VAV3: variants seen among roughly 807,000 people sequenced by gnomAD.
VAV3 encodes guanine nucleotide exchange factor VAV3.
Under a neutral mutation model 131.2 loss-of-function variants are expected in VAV3, and 94 were observed. The ratio of observed to expected loss-of-function variants is 0.72; its 90% CI spans 0.61 to 0.85. The LOEUF is 0.85. Among genes scored for constraint, VAV3 ranks in the 40% least tolerant of loss-of-function variants. The probability of loss-of-function intolerance (pLI) is 0.00; values close to 1 mark genes in which losing one functional copy is unlikely to be tolerated. For missense variants in VAV3, 939 were observed against 1,002.7 expected (o/e 0.94, Z 0.86); for synonymous variants, 349 against 342.0 (o/e 1.02, Z -0.22).
At chr1:107,628,200 G>C (rs916803533) in intron 20 of VAV3, among the ~76,000 whole-genome samples, 1 of 152,066 alleles carries the variant, frequency 6.6e-6, no homozygotes, top group Non-Finnish European at 1.5e-5. Flanking sequence ...TGAGAAAACA[G>C]GTCTCCTGTG....
intron 19 of VAV3, chr1:107,668,940 ATT>A: frequency 1.0e-6 from 1 of 988,706 alleles, no homozygotes; most frequent in Admixed American, 6.0e-5. Flanking sequence ...CAACGTGTTT[ATT>A]TGAATTCTCT....
chr1:107,843,537 G>GTGTA (rs560794972), intron 2 of VAV3, among the ~76,000 whole-genome samples: 4,742 of 147,480 alleles, frequency 0.032, 88 homozygotes, highest in East Asian at 0.068. Flanking sequence ...GTGTGTGTGT[G>GTGTA]TATATATATA....
intron 15 of VAV3, among the ~76,000 whole-genome samples, chr1:107,741,332 T>G (rs1663008026): frequency 6.6e-6 from 1 of 152,232 alleles, no homozygotes; most frequent in Non-Finnish European, 1.5e-5. Flanking sequence ...TGACATGGCT[T>G]TATTCCTCTA....
chr1:107,638,350 A>G (rs758429293), intron 20 of VAV3, among the ~76,000 whole-genome samples: 1 of 152,242 alleles, frequency 6.6e-6, no homozygotes, highest in Non-Finnish European at 1.5e-5. Flanking sequence ...TTAAAGAATA[A>G]GAGATCAACA....
intron 1 of VAV3, among the ~76,000 whole-genome samples, chr1:107,923,730 A>G (rs1156697007): frequency 1.3e-5 from 2 of 152,178 alleles, no homozygotes. Context: ...AGCATGGGTG[A>G]AACTGCCCCA....
intron 15 of VAV3, among the ~76,000 whole-genome samples, chr1:107,706,642 A>G (rs1169050355): frequency 6.6e-6 from 1 of 152,220 alleles, no homozygotes; most frequent in Non-Finnish European, 1.5e-5. Flanking sequence ...CACATTGTTC[A>G]GAAAACATTT....
chr1:107,596,469 G>A (rs750610100), intron 24 of VAV3, 128 bp from the exon 25 acceptor site: 16 of 944,290 alleles, frequency 1.7e-5, no homozygotes, highest in Non-Finnish European at 2.5e-5. Flanking sequence ...GTATATGGAA[G>A]ATTAAGCAAA....
At position 107,945,083 on chromosome 1, in the gene VAV3, G is replaced by A. The variant is rs562817136; in HGVS notation, c.204+19583C>T. Among the ~76,000 whole-genome samples, 36 of 152,284 alleles carry A rather than the reference G, an allele frequency of 2.4e-4. 1 individual carries two copies. The South Asian group carries it at 7.5e-3, about 32-fold the overall frequency. On this transcript the variant is annotated intron_variant, in intron 1 of 26. Transcript: ENST00000370056. The stretch of plus-strand genomic sequence containing the variant: ...TAAATCCTTCTGCTATTTGGCTCAA[G>A]ATGATTCTATGCCCAGCCACCTGGA...
chr1:107,699,763 G>C, intron 17 of VAV3, among the ~76,000 whole-genome samples: 1 of 151,846 alleles, frequency 6.6e-6, no homozygotes, highest in Non-Finnish European at 1.5e-5. Context: ...TGTGATAACA[G>C]ATTTTATTCA....
intron 21 of VAV3, among the ~76,000 whole-genome samples, chr1:107,616,195 T>C (rs1251745051): frequency 2.0e-5 from 3 of 152,120 alleles, no homozygotes; most frequent in African/African-American, 7.2e-5. Context: ...TCAATCTAAA[T>C]GCCCATATGT....
chr1:107,576,824 A>G (rs557141747), intron 25 of VAV3, among the ~76,000 whole-genome samples: 75 of 152,350 alleles, frequency 4.9e-4, no homozygotes, highest in African/African-American at 1.8e-3. Context: ...CCTTCACATC[A>G]AAACTATTAT....
intron 2 of VAV3, among the ~76,000 whole-genome samples, chr1:107,840,023 ATAACCT>A (rs1363245159): frequency 6.6e-6 from 1 of 152,182 alleles, no homozygotes; most frequent in Non-Finnish European, 1.5e-5. Flanking sequence ...TTAATAATTA[ATAACCT>A]TCCAAAAGAA....
chr1:107,665,115 T>C (rs1657319566), intron 19 of VAV3, among the ~76,000 whole-genome samples: 1 of 152,174 alleles, frequency 6.6e-6, no homozygotes, highest in Non-Finnish European at 1.5e-5. Flanking sequence ...AAATCATTCT[T>C]CTGATAGTCT....
intron 2 of VAV3, among the ~76,000 whole-genome samples, chr1:107,830,207 C>T (rs1261376426): frequency 2.1e-5 from 3 of 145,800 alleles, no homozygotes; most frequent in African/African-American, 5.0e-5. Flanking sequence ...TAATTACACA[C>T]TTTTTTTTTT....
chr1:107,731,217 G>A (rs1317641407), intron 15 of VAV3, among the ~76,000 whole-genome samples: 6 of 152,128 alleles, frequency 3.9e-5, no homozygotes, highest in Admixed American at 3.3e-4. Flanking sequence ...TCTCCAAACT[G>A]ACTTCTAAAC....
At chr1:107,779,696 A>G (rs184853939) in intron 2 of VAV3, among the ~76,000 whole-genome samples, 5 of 152,214 alleles carry the variant, frequency 3.3e-5, no homozygotes, top group Admixed American at 1.3e-4. Flanking sequence ...AAAGTAATAA[A>G]TTACTTTATT....
intron 2 of VAV3, among the ~76,000 whole-genome samples, chr1:107,796,825 T>G (rs1666575204): frequency 6.7e-6 from 1 of 149,788 alleles, no homozygotes; most frequent in South Asian, 2.1e-4. Flanking sequence ...ATATGCAAAT[T>G]TACCATACAA....
rs1016185818 is a variant in VAV3 at position 107,906,463 on chromosome 1, G to C, written c.205-31446C>G. On this transcript the variant is annotated intron_variant, in intron 1 of 26. Transcript: ENST00000370056. The stretch of plus-strand genomic sequence containing the variant: ...GCGGATCATGAGGTCAGGAGATCGA[G>C]ACCATCCTGGCTAACACCGTGAAAC... 2.6e-5 allele frequency among the ~76,000 whole-genome samples: 4 copies of C among 152,076 alleles called. 1 individual carries two copies.
At chr1:107,638,357 AACAT>A (rs1655085573) in intron 20 of VAV3, among the ~76,000 whole-genome samples, 1 of 152,240 alleles carries the variant, frequency 6.6e-6, no homozygotes, top group South Asian at 2.1e-4. Context: ...ATAAGAGATC[AACAT>A]ACAAAAATCA....
Sources: gnomAD v4.1 joint callset for allele counts (sites outside exome capture counted in the v4.1 genomes callset) on GRCh38, gnomAD v4.1.1 for gene constraint, MANE v1.5 for transcripts, NCBI Gene and HGNC (gene_info 2026-07-23, HGNC 2026-07-21) for gene names.